RNF144A: variants seen among roughly 807,000 people sequenced by gnomAD.
The protein encoded by RNF144A is E3 ubiquitin-protein ligase RNF144A.
Under a neutral mutation model 38.7 loss-of-function variants are expected in RNF144A, and 11 were observed. The ratio of observed to expected loss-of-function variants is 0.28; its 90% CI spans 0.18 to 0.47. RNF144A has a LOEUF of 0.47. RNF144A is among the 20% of genes least tolerant of loss of function. The pLI is 0.99. For synonymous variants in RNF144A, 149 were observed against 143.9 expected (o/e 1.04, Z -0.25); for missense variants, 316 against 377.2 (o/e 0.84, Z 1.34).
intron 1 of RNF144A, among the ~76,000 whole-genome samples, chr2:6,934,865 T>C (rs1326207025): frequency 2.0e-5 from 3 of 152,238 alleles, no homozygotes; most frequent in Non-Finnish European, 4.4e-5. Flanking sequence ...TTTCTTCTTC[T>C]GTAAGACGCA....
chr2:7,037,718 C>T (rs1271694430), intron 8 of RNF144A, among the ~76,000 whole-genome samples: 1 of 152,214 alleles, frequency 6.6e-6, no homozygotes, highest in Non-Finnish European at 1.5e-5. Context: ...GGAGAAATCT[C>T]AGTCGAGGTA....
Position 7,040,445 on chromosome 2 carries a change from T to G in RNF144A, c.*685T>G. 1 of 985,468 alleles carries G rather than the reference T, an allele frequency of 1.0e-6. No individual in the cohort carries two copies. Among genetic ancestry groups the G allele is most frequent in the Non-Finnish European group, 1.2e-6 (1 of 829,924 alleles). 61.0% of individuals were successfully genotyped at this position (985,468 alleles called of 1,614,324 possible). A position where few individuals can be genotyped will look rare whatever the true frequency, so the allele number is the denominator to read the frequency against. ...GAACGCTGTAAGCTGTGTACTGTTATAAGTGTGCTTCCTATATTGTTGCAT... is the reference window on the plus strand; with the variant it reads ...GAACGCTGTAAGCTGTGTACTGTTAGAAGTGTGCTTCCTATATTGTTGCAT... On this transcript the variant is annotated 3_prime_UTR_variant, in exon 9 of 9. Coordinates refer to ENST00000320892, the MANE Select transcript of RNF144A (RefSeq NM_014746.6).
At chr2:6,938,893 T>C (rs1665778043) in intron 1 of RNF144A, among the ~76,000 whole-genome samples, 1 of 152,212 alleles carries the variant, frequency 6.6e-6, no homozygotes, top group Non-Finnish European at 1.5e-5. Flanking sequence ...CATTTACCCA[T>C]GCTGTAGCAT....
At chr2:7,021,527 G>C (rs1304545898) in intron 6 of RNF144A, among the ~76,000 whole-genome samples, 1 of 152,176 alleles carries the variant, frequency 6.6e-6, no homozygotes, top group East Asian at 1.9e-4. Context: ...TGTCTGGAGT[G>C]CCCTGCTCTG....
chr2:7,005,111 C>G (rs2103404538), intron 3 of RNF144A, among the ~76,000 whole-genome samples: 2 of 152,332 alleles, frequency 1.3e-5, no homozygotes, highest in South Asian at 4.1e-4. Flanking sequence ...ATATCTTACA[C>G]TGTGATATTG....
In RNF144A at chr2:7,039,876, T is replaced by C; in HGVS notation, c.*116T>C. On this transcript the variant is annotated 3_prime_UTR_variant, in exon 9 of 9. Transcript: ENST00000320892. ...TCTTGCCTTATGTGCCCCATTGAGCTTCACAGTGTCAGGCTGGACGCCGTG... is the reference window on the plus strand; with the variant it reads ...TCTTGCCTTATGTGCCCCATTGAGCCTCACAGTGTCAGGCTGGACGCCGTG... 6.7e-7 allele frequency: 1 copy of C among 1,485,642 alleles called. No homozygotes were observed. Among genetic ancestry groups the C allele is most frequent in the South Asian group, 1.4e-5 (1 of 73,106 alleles). 92.0% of individuals were successfully genotyped at this position (1,485,642 alleles called of 1,614,324 possible).
intron 6 of RNF144A, among the ~76,000 whole-genome samples, chr2:7,060,103 A>G (rs947294778): frequency 2.6e-5 from 4 of 152,128 alleles, no homozygotes; most frequent in African/African-American, 9.7e-5. Context: ...TGAATCTTCT[A>G]GAGTGAATCT....
At chr2:7,061,765 T>G (rs1673964936) in intron 6 of RNF144A, among the ~76,000 whole-genome samples, 1 of 152,194 alleles carries the variant, frequency 6.6e-6, no homozygotes, top group South Asian at 2.1e-4. Context: ...TGAGAAATAG[T>G]TTTTAGAGGA....
rs1269334068 is a variant in RNF144A at position 6,943,874 on chromosome 2, T to C, written c.-12+2727T>C. Among the ~76,000 whole-genome samples, 1 of 151,926 alleles carries C rather than the reference T, an allele frequency of 6.6e-6. No individual in the cohort carries two copies. The highest frequency in any genetic ancestry group is 1.5e-5 in the Non-Finnish European group (1 of 67,976). The stretch of plus-strand genomic sequence containing the variant: ...GGCAGCAGAAAGTCCTCTAGAGAGA[T>C]GGAGGTGCAGAGCGGTCACCTGAAG... On this transcript the variant is annotated intron_variant, in intron 2 of 8. Coordinates refer to ENST00000320892, the MANE Select transcript of RNF144A (RefSeq NM_014746.6). This position sits in a 1 kb window ranked among gnomAD's most constrained non-coding sequence, Gnocchi z 4.3.
At chr2:6,976,518 T>G (rs1668325344) in intron 2 of RNF144A, among the ~76,000 whole-genome samples, 1 of 151,294 alleles carries the variant, frequency 6.6e-6, no homozygotes, top group African/African-American at 2.4e-5. Flanking sequence ...GTTTTGTTAT[T>G]TATTGTAACT....
intron 2 of RNF144A, among the ~76,000 whole-genome samples, chr2:6,988,671 G>A (rs976406243): frequency 2.0e-5 from 3 of 152,112 alleles, no homozygotes; most frequent in Admixed American, 6.5e-5. Flanking sequence ...TTGAGGCAGC[G>A]TTTGTCCTTT....
Position 7,041,808 on chromosome 2 carries a change from C to G in RNF144A, c.*2048C>G. On this transcript the variant is annotated 3_prime_UTR_variant, in exon 9 of 9. Transcript: ENST00000320892. ...ATCGCATGAGCCCACACAGTAGCAC[C>G]CCCGTCCTTAGGATGAGAGTCAGAG... 1.0e-6 allele frequency: 1 copy of G among 985,504 alleles called. No homozygotes were observed. Among genetic ancestry groups the G allele is most frequent in the Non-Finnish European group, 1.2e-6 (1 of 829,984 alleles). 61.0% of individuals were successfully genotyped at this position (985,504 alleles called of 1,614,324 possible).
chr2:7,010,080 A>G (rs443852), intron 3 of RNF144A, among the ~76,000 whole-genome samples: 84,288 of 152,148 alleles, frequency 0.55, 24,238 homozygotes, highest in Non-Finnish European at 0.64. Flanking sequence ...GGAGAAACAT[A>G]AACAGACCAT....
chr2:6,938,949 T>C (rs1165770692), intron 1 of RNF144A, among the ~76,000 whole-genome samples: 7 of 152,214 alleles, frequency 4.6e-5, no homozygotes, highest in Non-Finnish European at 1.0e-4. Flanking sequence ...ATTGCATAGA[T>C]TTGCCTCAGT....
At chr2:6,978,747 T>A (rs929925702) in intron 2 of RNF144A, 1 of 152,682 alleles carries the variant, frequency 6.5e-6, no homozygotes, top group African/African-American at 2.4e-5. Flanking sequence ...CCTGTCTGTT[T>A]GGAGGCTTTC....
At position 6,922,465 on chromosome 2, in the gene RNF144A, C is replaced by G. The variant is rs144586281; in HGVS notation, c.-212+4843C>G. ...GTTCCTGGGAATACTTTTTAGGTTT[C>G]CCAAGAACTGCTTTCAGGTAATTCT... On this transcript the variant is annotated intron_variant, in intron 1 of 8. Transcript: ENST00000320892. Among the ~76,000 whole-genome samples the G allele has an allele frequency of 2.6e-5, 4 of 152,222 alleles. No homozygotes were observed. In the East Asian group the frequency reaches 7.7e-4, roughly 29 times the overall value.
chr2:6,923,013 C>T (rs879748812), intron 1 of RNF144A, among the ~76,000 whole-genome samples: 8 of 152,172 alleles, frequency 5.3e-5, no homozygotes, highest in Non-Finnish European at 1.2e-4. Flanking sequence ...TGTGCACCCT[C>T]CGTCGCTGAC....
chr2:6,989,550 G>A (rs1255217702), intron 2 of RNF144A, among the ~76,000 whole-genome samples: 1 of 152,056 alleles, frequency 6.6e-6, no homozygotes, highest in Non-Finnish European at 1.5e-5. Flanking sequence ...TGGAACCTTT[G>A]TTACAGTCTG....
Position 7,053,606 on chromosome 2 carries a change from G to A in RNF144A, c.735-14610G>A, listed in dbSNP as rs765271671. On this transcript the variant is annotated intron_variant, in intron 6 of 6. Coordinates refer to the RNF144A transcript ENST00000432850. ...ACTGCCTACAGTTCCATGCCATGTG[G>A]GTTTCCTTAACATGGATGCTTATTC... Among the ~76,000 whole-genome samples, 145 of 152,280 alleles carry A rather than the reference G, an allele frequency of 9.5e-4. 1 individual carries two copies. Among genetic ancestry groups the A allele is most frequent in the Middle Eastern group, 3.4e-3 (1 of 294 alleles).
Sources: allele counts gnomAD v4.1 joint callset (sites outside exome capture counted in the v4.1 genomes callset), GRCh38; gene constraint gnomAD v4.1.1; non-coding constraint Gnocchi (gnomAD v3.1); transcripts MANE v1.5; gene names NCBI Gene and HGNC (gene_info 2026-07-23, HGNC 2026-07-21).